PCDH15: variants seen among roughly 807,000 people sequenced by gnomAD.
The protein encoded by PCDH15 is protocadherin related 15.
In PCDH15, 129 loss-of-function variants were observed where a neutral mutation model predicts 178.5. The ratio of observed to expected loss-of-function variants is 0.72; its 90% CI spans 0.63 to 0.84. The LOEUF is 0.84. Among genes scored for constraint, PCDH15 ranks in the 40% least tolerant of loss-of-function variants. PCDH15 has a pLI of 0.00. For synonymous variants in PCDH15, 800 were observed against 732.0 expected (o/e 1.09, Z -1.50); for missense variants, 2,230 against 2,099.9 (o/e 1.06, Z -1.21).
intron 5 of PCDH15, among the ~76,000 whole-genome samples, chr10:54,366,360 G>A (rs1355793429): frequency 1.3e-5 from 2 of 151,972 alleles, no homozygotes; most frequent in African/African-American, 2.4e-5. Context: ...TAAACTTCAT[G>A]TCTTATACTA....
rs192969023 is a variant in PCDH15, at chr10:55,504,076, T to A, written c.-156+123549A>T. 2.0e-5 allele frequency among the ~76,000 whole-genome samples: 3 copies of A among 151,550 alleles called. No homozygotes were observed. In the East Asian group the frequency reaches 5.9e-4, roughly 30 times the overall value. ...TTTAGGGCAGGGAAACAACTCTGTATGACTATAATGATGAATACATGTTAT... is the reference window on the plus strand; with the variant it reads ...TTTAGGGCAGGGAAACAACTCTGTAAGACTATAATGATGAATACATGTTAT... On this transcript the variant is annotated intron_variant, in intron 2 of 5. Coordinates refer to the PCDH15 transcript ENST00000613346.
intron 9 of PCDH15, among the ~76,000 whole-genome samples, chr10:54,228,911 T>C (rs2053759134): frequency 6.6e-6 from 1 of 152,226 alleles, no homozygotes; most frequent in Non-Finnish European, 1.5e-5. Flanking sequence ...CAAATAAAAT[T>C]AAGCATCACA....
At chr10:54,994,294 C>T (rs1379387035) in intron 2 of PCDH15, among the ~76,000 whole-genome samples, 1 of 152,082 alleles carries the variant, frequency 6.6e-6, no homozygotes, top group Non-Finnish European at 1.5e-5. Flanking sequence ...TTCACAAAGA[C>T]AAATCCATAA....
At chr10:54,840,597 T>C (rs1441149427) in intron 3 of PCDH15, among the ~76,000 whole-genome samples, 1 of 151,862 alleles carries the variant, frequency 6.6e-6, no homozygotes, top group African/African-American at 2.4e-5. Flanking sequence ...CTTATTAATA[T>C]TTAAGTTTAA....
intron 26 of PCDH15, among the ~76,000 whole-genome samples, chr10:53,900,373 G>C (rs1159779840): frequency 6.6e-6 from 1 of 152,072 alleles, no homozygotes; most frequent in South Asian, 2.1e-4. Context: ...TAGTTTGAAG[G>C]GGGAGGGTTC....
chr10:55,322,835 A>C (rs1482712147), upstream of PCDH15, among the ~76,000 whole-genome samples: 2 of 152,140 alleles, frequency 1.3e-5, no homozygotes, highest in Non-Finnish European at 2.9e-5. Flanking sequence ...AAGTTGCAGA[A>C]ATTTGCATAA....
rs1400636814 is a variant in PCDH15, at chr10:54,521,856, G to A, written c.157+5956C>T. 4.6e-5 allele frequency among the ~76,000 whole-genome samples: 7 copies of A among 151,968 alleles called. No individual in the cohort carries two copies. In the South Asian group the frequency reaches 6.2e-4, roughly 14 times the overall value. ...TGTAATCCCAGCACTTTGGGAGGCC[G>A]AGGCGGGTGGATCACGAGGTCAGGA... is the stretch of plus-strand genomic sequence containing the variant. On this transcript the variant is annotated intron_variant, in intron 3 of 37. Transcript: ENST00000644397.
chr10:55,234,197 G>GT (rs1841308098), intron 1 of PCDH15, among the ~76,000 whole-genome samples: 1 of 152,030 alleles, frequency 6.6e-6, no homozygotes, highest in African/African-American at 2.4e-5. Context: ...TCAACCAAGT[G>GT]TAATAGGATT....
chr10:54,776,995 G>C (rs897055314), intron 1 of PCDH15, among the ~76,000 whole-genome samples: 2 of 152,116 alleles, frequency 1.3e-5, no homozygotes, highest in Non-Finnish European at 2.9e-5. Flanking sequence ...AAAATATGCT[G>C]TTTATAGTAT....
intron 11 of PCDH15, among the ~76,000 whole-genome samples, chr10:54,192,158 GAA>G: frequency 1.5e-5 from 1 of 65,900 alleles, no homozygotes; most frequent in Admixed American, 1.6e-4. Context: ...GAAAGAAAAA[GAA>G]AGAAAGAAAG....
chr10:55,131,358 C>T (rs1838038303), intron 2 of PCDH15, among the ~76,000 whole-genome samples: 1 of 152,156 alleles, frequency 6.6e-6, no homozygotes, highest in Admixed American at 6.5e-5. Flanking sequence ...AACTGCAGAG[C>T]CCCAAAGAGG....
chr10:54,725,905 T>C (rs1942429178), intron 1 of PCDH15, among the ~76,000 whole-genome samples: 1 of 151,562 alleles, frequency 6.6e-6, no homozygotes, highest in Non-Finnish European at 1.5e-5. Context: ...AAATTACTGC[T>C]GATATGCACT....
intron 8 of PCDH15, among the ~76,000 whole-genome samples, chr10:54,244,712 C>A (rs749850607): frequency 6.6e-6 from 1 of 152,188 alleles, no homozygotes; most frequent in Non-Finnish European, 1.5e-5. Context: ...CTACTTCTCA[C>A]ACTGCCACAG....
chr10:54,034,143 A>G (rs2093363777), intron 18 of PCDH15, among the ~76,000 whole-genome samples: 2 of 152,008 alleles, frequency 1.3e-5, no homozygotes, highest in Non-Finnish European at 2.9e-5. Flanking sequence ...TTGTAAGTAA[A>G]ACAAGAGCAA....
intron 2 of PCDH15, among the ~76,000 whole-genome samples, chr10:54,911,865 G>C (rs1019451530): frequency 5.3e-5 from 8 of 152,138 alleles, no homozygotes; most frequent in African/African-American, 1.7e-4. Context: ...AGGCCTCCCA[G>C]CCATGCAGAA....
chr10:53,940,700 T>C (rs929516993), intron 24 of PCDH15, among the ~76,000 whole-genome samples, 166 bp downstream of exon 24: 1 of 152,210 alleles, frequency 6.6e-6, no homozygotes, highest in Non-Finnish European at 1.5e-5. Context: ...CTAACATCAC[T>C]GGATTTTTAA....
chr10:55,528,833 A>G (rs982562095), intron 2 of PCDH15, among the ~76,000 whole-genome samples: 8 of 152,142 alleles, frequency 5.3e-5, no homozygotes, highest in Non-Finnish European at 1.2e-4. Context: ...ACTAGTTTAC[A>G]GTCCCACCAA....
In PCDH15 at chr10:55,350,517, A is replaced by G. The variant is rs373302926; in HGVS notation, c.-155-183866T>C. 1.2e-4 allele frequency among the ~76,000 whole-genome samples: 19 copies of G among 152,080 alleles called. No individual in the cohort carries two copies. In the East Asian group the frequency reaches 1.5e-3, roughly 12 times the overall value. ...TTATGACTTTATGGAGAGAAATATTAGAAATAAGGAGAATGAAGTGATGAA... is the reference window on the plus strand; with the variant it reads ...TTATGACTTTATGGAGAGAAATATTGGAAATAAGGAGAATGAAGTGATGAA... On this transcript the variant is annotated intron_variant, in intron 2 of 5. Transcript: ENST00000613346.
Position 54,715,076 on chromosome 10 carries a change from T to C in PCDH15, c.-28-50786A>G, listed in dbSNP as rs560527264. ...GATTGCTGATACTCATTTTTTTTTC[T>C]CCAAGAGTAAACTATAGTGAGTTCC... is the stretch of plus-strand genomic sequence containing the variant. On this transcript the variant is annotated intron_variant, in intron 1 of 37. Coordinates refer to ENST00000644397, the MANE Select transcript of PCDH15 (RefSeq NM_001384140.1). Among the ~76,000 whole-genome samples the C allele has an allele frequency of 2.0e-5, 3 of 152,240 alleles. No homozygotes were observed. In the East Asian group the frequency reaches 5.8e-4, roughly 29 times the overall value.
Sources: allele counts gnomAD v4.1 joint callset (sites outside exome capture counted in the v4.1 genomes callset), GRCh38; gene constraint gnomAD v4.1.1; transcripts MANE v1.5; gene names NCBI Gene and HGNC (gene_info 2026-07-23, HGNC 2026-07-21).